Variants in FGGY observed in about 807,000 individuals in gnomAD.
FGGY encodes the protein FGGY carbohydrate kinase domain-containing protein.
Under a neutral mutation model 71.3 loss-of-function variants are expected in FGGY, and 72 were observed. That is an observed-to-expected ratio of 1.01 (90% CI 0.84 to 1.23). The LOEUF (loss-of-function observed/expected upper bound fraction) is 1.23, where lower values mean the gene tolerates loss of function less well. Ranked by LOEUF, FGGY falls within the 50% of genes most tolerant of loss-of-function variation. The pLI, the probability that FGGY is intolerant of heterozygous loss-of-function variation, is 0.00. For synonymous variants in FGGY, 251 were observed against 250.3 expected (o/e 1.00, Z -0.02); for missense variants, 668 against 682.3 (o/e 0.98, Z 0.23).
rs75212430 is a variant in FGGY at position 59,375,372 on chromosome 1, C to T, written c.466-3377C>T. Among the ~76,000 whole-genome samples the T allele has an allele frequency of 2.8e-4, 42 of 152,080 alleles. No homozygotes were observed. The East Asian group carries it at 7.3e-3, about 27-fold the overall frequency. ...GATCAGGCTTCTGGAGACATTTCCT[C>T]TCATTCAGTCCTTATTCCTCTTTGC... On this transcript the variant is annotated intron_variant, in intron 4 of 15. Transcript: ENST00000303721.
intron 8 of FGGY, among the ~76,000 whole-genome samples, chr1:59,590,842 G>C (rs2096418916): frequency 6.6e-6 from 1 of 152,082 alleles, no homozygotes; most frequent in Admixed American, 6.5e-5. Flanking sequence ...ATACTGAATG[G>C]GCAAAAACTG....
chr1:59,740,521 C>G (rs1181410356), intron 14 of FGGY, among the ~76,000 whole-genome samples: 1 of 152,232 alleles, frequency 6.6e-6, no homozygotes, highest in Non-Finnish European at 1.5e-5. Context: ...ACATTCAGAG[C>G]TTGAAACTGG....
chr1:59,664,459 T>C (rs967191691), intron 12 of FGGY, among the ~76,000 whole-genome samples: 2 of 152,234 alleles, frequency 1.3e-5, no homozygotes, highest in Admixed American at 1.3e-4. Context: ...TTCTTTCCTT[T>C]TCCCAGGAAA....
chr1:59,430,509 A>G lies in FGGY; in HGVS notation c.555-26452A>G, dbSNP rs190473822. 6.0e-4 allele frequency among the ~76,000 whole-genome samples: 91 copies of G among 152,220 alleles called. 1 individual carries two copies. The highest frequency in any genetic ancestry group is 1.8e-3 in the African/African-American group (74 of 41,538). On this transcript the variant is annotated intron_variant, in intron 5 of 15. Coordinates refer to ENST00000303721, the MANE Select transcript of FGGY (RefSeq NM_018291.5). ...GCATGCATACTTAAGGTTGGGTCCA[A>G]TTGGATTTTTTTAGGAGCAGTCTGT... is the stretch of plus-strand genomic sequence containing the variant.
At chr1:59,364,934 A>G (rs1323243005) in intron 4 of FGGY, among the ~76,000 whole-genome samples, 3 of 152,192 alleles carry the variant, frequency 2.0e-5, no homozygotes, top group Non-Finnish European at 4.4e-5. Context: ...GAATGAGAGA[A>G]GAGGTAGAAG....
intron 1 of FGGY, among the ~76,000 whole-genome samples, chr1:59,300,802 C>T (rs1037278092): frequency 6.6e-6 from 1 of 152,064 alleles, no homozygotes; most frequent in Admixed American, 6.5e-5. Flanking sequence ...TACATTGGCC[C>T]AATTTTGTGT....
intron 7 of FGGY, among the ~76,000 whole-genome samples, chr1:59,515,160 C>A (rs914518438): frequency 6.6e-6 from 1 of 152,146 alleles, no homozygotes; most frequent in East Asian, 1.9e-4. Context: ...CCACCTCTTG[C>A]ATCAGTGTGA....
intron 10 of FGGY, among the ~76,000 whole-genome samples, chr1:59,629,875 T>C (rs981961640): frequency 4.6e-5 from 7 of 152,198 alleles, no homozygotes; most frequent in Non-Finnish European, 8.8e-5. Context: ...GGTAATATAT[T>C]TGACGGGGCC....
intron 6 of FGGY, among the ~76,000 whole-genome samples, chr1:59,476,013 G>A (rs188138650): frequency 4.3e-4 from 66 of 152,260 alleles, no homozygotes; most frequent in Non-Finnish European, 5.1e-4. Context: ...ATGCCCCCAC[G>A]TAGTCACCAT....
intron 8 of FGGY, among the ~76,000 whole-genome samples, chr1:59,555,197 G>T (rs1310268903): frequency 1.3e-5 from 2 of 152,194 alleles, no homozygotes; most frequent in Admixed American, 1.3e-4. Context: ...GTTATAACAG[G>T]TATTAGAATA....
chr1:59,455,241 T>G (rs557517875), intron 5 of FGGY, among the ~76,000 whole-genome samples: 1 of 152,284 alleles, frequency 6.6e-6, no homozygotes, highest in African/African-American at 2.4e-5. Context: ...GATTGGAACT[T>G]GGAGAAGAAG....
chr1:59,641,212 C>T (rs1001643449), intron 11 of FGGY: 1 of 1,241,664 alleles, frequency 8.1e-7, no homozygotes, highest in Non-Finnish European at 1.1e-6. Flanking sequence ...CATTGTCTAA[C>T]CAATGATAGA....
At chr1:59,435,307 A>G (rs2153466286) in intron 5 of FGGY, among the ~76,000 whole-genome samples, 1 of 152,292 alleles carries the variant, frequency 6.6e-6, no homozygotes, top group South Asian at 2.1e-4. Context: ...TCCAATGACA[A>G]AGGAAACACA....
At chr1:59,665,617 C>T (rs2097316218) in intron 12 of FGGY, among the ~76,000 whole-genome samples, 1 of 152,070 alleles carries the variant, frequency 6.6e-6, no homozygotes, top group South Asian at 2.1e-4. Flanking sequence ...TTGCCCTCTA[C>T]CCCCAACCCC....
chr1:59,706,828 A>T (rs2097760487), intron 14 of FGGY, among the ~76,000 whole-genome samples: 1 of 152,214 alleles, frequency 6.6e-6, no homozygotes, highest in African/African-American at 2.4e-5. Context: ...AATGGTGCCT[A>T]CCTCTAGGTT....
chr1:59,327,780 T>G (rs2047701848), intron 2 of FGGY, among the ~76,000 whole-genome samples: 1 of 152,246 alleles, frequency 6.6e-6, no homozygotes, highest in African/African-American at 2.4e-5. Context: ...GGCTGCAGAA[T>G]GGATGTTGTG....
intron 4 of FGGY, among the ~76,000 whole-genome samples, chr1:59,372,564 C>T (rs183811435): frequency 7.2e-5 from 11 of 152,254 alleles, no homozygotes; most frequent in Admixed American, 2.0e-4. Flanking sequence ...TTTTATGAGG[C>T]CAGTATCATC....
chr1:59,339,898 G>A (rs1471158052), intron 2 of FGGY, 60 bp from the exon 3 acceptor site: 3 of 1,005,556 alleles, frequency 3.0e-6, no homozygotes, highest in African/African-American at 3.2e-5. Context: ...AGTTGTAACT[G>A]TTTTCAATCT....
At chr1:59,705,672 A>G (rs1365141394) in intron 14 of FGGY, among the ~76,000 whole-genome samples, 3 of 152,172 alleles carry the variant, frequency 2.0e-5, no homozygotes, top group Non-Finnish European at 4.4e-5. Context: ...TTACCACTTG[A>G]CTTTGAGACA....
Sources: allele counts gnomAD v4.1 joint callset (sites outside exome capture counted in the v4.1 genomes callset), GRCh38; gene constraint gnomAD v4.1.1; transcripts MANE v1.5; gene names NCBI Gene and HGNC (gene_info 2026-07-23, HGNC 2026-07-21).